The following ROBO1 variants were observed in gnomAD, a reference collection of about 807,000 sequenced individuals.
ROBO1 encodes the protein roundabout homolog 1.
Under a neutral mutation model 195.9 loss-of-function variants are expected in ROBO1, and 149 were observed. That is an observed-to-expected ratio of 0.76 (90% confidence interval 0.67 to 0.87). The LOEUF is 0.87. Among genes scored for constraint, ROBO1 ranks in the 40% least tolerant of loss-of-function variants. ROBO1 has a pLI of 0.00. For synonymous variants in ROBO1, 816 were observed against 733.2 expected (o/e 1.11, Z -1.82); for missense variants, 1,933 against 2,068.3 (o/e 0.93, Z 1.27).
At chr3:78,708,636 T>G (rs1376871301) in intron 8 of ROBO1, among the ~76,000 whole-genome samples, 1 of 152,156 alleles carries the variant, frequency 6.6e-6, no homozygotes, top group Non-Finnish European at 1.5e-5. Flanking sequence ...CTGCAACCAT[T>G]CTTGAATACC....
At chr3:79,482,516 G>T (rs963384849) in intron 2 of ROBO1, among the ~76,000 whole-genome samples, 12 of 152,186 alleles carry the variant, frequency 7.9e-5, no homozygotes, top group African/African-American at 2.9e-4. Flanking sequence ...TTACTCTTCT[G>T]CCATGATTGT....
intron 4 of ROBO1, among the ~76,000 whole-genome samples, chr3:78,811,918 A>C (rs2084754751): frequency 6.6e-6 from 1 of 152,066 alleles, no homozygotes; most frequent in Non-Finnish European, 1.5e-5. Context: ...TATAGTCCTA[A>C]CTTCTGCTAG....
At position 79,127,560 on chromosome 3, in the gene ROBO1, T is replaced by C. The variant is rs1048539948; in HGVS notation, c.89-2021A>G. On this transcript the variant is annotated intron_variant, in intron 2 of 30. Coordinates refer to ENST00000464233, the MANE Select transcript of ROBO1 (RefSeq NM_002941.4). ...ACGCACACATTTCTAATCACTCTGTTACAAATACTATACAGATTCATCCAA... is the reference window on the plus strand; with the variant it reads ...ACGCACACATTTCTAATCACTCTGTCACAAATACTATACAGATTCATCCAA... Among the ~76,000 whole-genome samples, 8 of 152,338 alleles carry C rather than the reference T, an allele frequency of 5.3e-5. No individual in the cohort carries two copies. The East Asian group carries it at 1.5e-3, about 29-fold the overall frequency.
intron 1 of ROBO1, among the ~76,000 whole-genome samples, chr3:79,690,220 A>G (rs2107070622): frequency 6.6e-6 from 1 of 152,120 alleles, no homozygotes; most frequent in African/African-American, 2.4e-5. Context: ...AGATTTCCAG[A>G]TGTGATTAAG....
In ROBO1 at chr3:78,661,237, G is replaced by T. The variant is rs753366104; in HGVS notation, c.2113C>A (p.Gln705Lys). The change falls in exon 16 of 31, where the codon CAA becomes AAA. Residue 705 changes from glutamine (Q) to lysine (K), a missense_variant. Coordinates refer to ENST00000464233, the MANE Select transcript of ROBO1 (RefSeq NM_002941.4). ...GGCCGATAGAGAATTTTATATCCTT[G>T]TATATACTGAGACTGTTGATCTACC... is the stretch of plus-strand genomic sequence containing the variant. ...WTVDQQSQYI[Q>K]GYKILYRPSG... 3.7e-6 allele frequency: 6 copies of T among 1,602,172 alleles called. No homozygotes were observed. In the South Asian group the frequency reaches 6.7e-5, roughly 18 times the overall value.
chr3:78,841,616 T>C (rs167944), intron 4 of ROBO1, among the ~76,000 whole-genome samples: 142,991 of 152,146 alleles, frequency 0.94, 67,462 homozygotes, highest in East Asian at 0.99. Context: ...AAAAGCTAGA[T>C]CCATAAAAAA....
chr3:79,156,990 C>G (rs1238172685), intron 2 of ROBO1, among the ~76,000 whole-genome samples: 3 of 151,828 alleles, frequency 2.0e-5, no homozygotes, highest in African/African-American at 7.2e-5. Context: ...TCTGTTCACT[C>G]TCATCGGGTG....
intron 4 of ROBO1, among the ~76,000 whole-genome samples, chr3:78,915,958 T>A (rs1288233741): frequency 2.0e-5 from 3 of 152,032 alleles, no homozygotes; most frequent in African/African-American, 4.8e-5. Context: ...GCCTAAAAAA[T>A]TCTTTATTCT....
chr3:79,683,457 C>A lies in ROBO1; in HGVS notation c.-51+84295G>T, dbSNP rs571208731. 2.3e-4 allele frequency among the ~76,000 whole-genome samples: 35 copies of A among 151,654 alleles called. No individual in the cohort carries two copies. The South Asian group carries it at 4.6e-3, about 20-fold the overall frequency. On this transcript the variant is annotated intron_variant, in intron 1 of 30. Transcript: ENST00000464233. The stretch of plus-strand genomic sequence containing the variant: ...GAAGATTATTTCAAGATATACCTAA[C>A]ATAATTATTTTAAAGTTTACAATTT...
chr3:79,333,986 G>T (rs2034554991), intron 2 of ROBO1, among the ~76,000 whole-genome samples: 1 of 152,096 alleles, frequency 6.6e-6, no homozygotes, highest in African/African-American at 2.4e-5. Context: ...TGCTCAGAGA[G>T]GCCTACTGGA....
intron 2 of ROBO1, among the ~76,000 whole-genome samples, chr3:79,395,648 G>A (rs1424055027): frequency 1.3e-5 from 2 of 151,848 alleles, no homozygotes; most frequent in South Asian, 2.1e-4. Context: ...TGTATCCTAC[G>A]GATACACATA....
At chr3:79,694,628 G>A (rs1266822457) in intron 1 of ROBO1, among the ~76,000 whole-genome samples, 2 of 151,870 alleles carry the variant, frequency 1.3e-5, no homozygotes, top group African/African-American at 4.8e-5. Context: ...TTTGAAGGGG[G>A]ATTAGTAAAT....
intron 3 of ROBO1, among the ~76,000 whole-genome samples, chr3:78,975,121 C>G (rs894092822): frequency 4.6e-5 from 7 of 152,012 alleles, no homozygotes; most frequent in Admixed American, 1.3e-4. Flanking sequence ...ATACTGAGCC[C>G]TACAGAGAAA....
intron 2 of ROBO1, among the ~76,000 whole-genome samples, chr3:79,534,148 C>CA (rs5850434): frequency 0.01 from 616 of 59,958 alleles, 37 homozygotes; most frequent in African/African-American, 0.029. Context: ...CTGGGGAAGG[C>CA]AAAAAAAAAA....
At chr3:78,946,804 C>T (rs1055668853) in intron 3 of ROBO1, among the ~76,000 whole-genome samples, 28 of 151,922 alleles carry the variant, frequency 1.8e-4, no homozygotes, top group African/African-American at 6.8e-4. Context: ...CACACATAGG[C>T]TCAAAATAAA....
intron 4 of ROBO1, among the ~76,000 whole-genome samples, chr3:78,864,341 T>C (rs2035032376): frequency 6.6e-6 from 1 of 152,174 alleles, no homozygotes. Flanking sequence ...GCAATTTAAT[T>C]TGATGGAATT....
intron 3 of ROBO1, among the ~76,000 whole-genome samples, chr3:78,946,051 G>A (rs1449508798): frequency 6.6e-6 from 1 of 152,156 alleles, no homozygotes; most frequent in African/African-American, 2.4e-5. Context: ...TCTGATTGGT[G>A]TACCTGAAAG....
chr3:79,110,621 CTTT>C (rs397877079), intron 3 of ROBO1, among the ~76,000 whole-genome samples: 12 of 127,850 alleles, frequency 9.4e-5, no homozygotes, highest in Non-Finnish European at 9.9e-5. Flanking sequence ...AGGGAAATAA[CTTT>C]TTTTTTTTTT....
chr3:79,588,938 G>T (rs1943912326), intron 2 of ROBO1, among the ~76,000 whole-genome samples: 1 of 151,584 alleles, frequency 6.6e-6, no homozygotes, highest in Non-Finnish European at 1.5e-5. Flanking sequence ...AGGATTTTTT[G>T]AAATCTTTGA....
Sources: allele counts gnomAD v4.1 joint callset (sites outside exome capture counted in the v4.1 genomes callset), GRCh38; gene constraint gnomAD v4.1.1; transcripts MANE v1.5; gene names NCBI Gene and HGNC (gene_info 2026-07-23, HGNC 2026-07-21).